The following TP53I11 variants were observed in gnomAD, a reference collection of about 807,000 sequenced individuals.
The protein encoded by TP53I11 is tumor protein p53-inducible protein 11.
TP53I11 carries 9 observed loss-of-function variants against 23.3 expected under a neutral mutation model. That is an observed-to-expected ratio of 0.39 (90% confidence interval 0.23 to 0.67). The LOEUF (loss-of-function observed/expected upper bound fraction) is 0.67. Ranked by LOEUF, TP53I11 falls within the 30% of genes least tolerant of loss-of-function variation. TP53I11 has a pLI of 0.48. For synonymous variants in TP53I11, 100 were observed against 106.1 expected, an observed-to-expected ratio of 0.94 and a Z score of 0.35; for missense variants, 170 against 255.2, an observed-to-expected ratio of 0.67 and a Z score of 2.27.
At chr11:44,941,866 G>C (rs1039199544) in intron 1 of TP53I11, among the ~76,000 whole-genome samples, 5 of 152,198 alleles carry the variant, frequency 3.3e-5, no homozygotes, top group Non-Finnish European at 1.5e-5. Context: ...CTGTGTCCAC[G>C]GCCCACCTCC....
rs1275305148 is a variant in TP53I11 at position 44,933,901 on chromosome 11, T to TA, written c.*982dup. 1.3e-5 allele frequency: 2 copies of TA among 152,752 alleles called. No homozygotes were observed. Among genetic ancestry groups the TA allele is most frequent in the Non-Finnish European group, 2.9e-5 (2 of 68,426 alleles). The allele number at this position is 152,752 out of a possible 1,614,324, so 9.5% of individuals were successfully genotyped here. ...GCCCAGTGGCCATCAGGCCTTGGGG[T>TA]ACATGCCAAGGGGCAAGAGAGCGCT... On this transcript the variant is annotated 3_prime_UTR_variant, in exon 7 of 7. Coordinates refer to ENST00000525680, the MANE Select transcript of TP53I11 (RefSeq NM_006034.5).
intron 1 of TP53I11, among the ~76,000 whole-genome samples, chr11:44,947,416 A>T (rs1862495094): frequency 6.6e-6 from 1 of 151,994 alleles, no homozygotes; most frequent in South Asian, 2.1e-4. Context: ...CACTCTCCCC[A>T]TGCCCCTCCC....
chr11:44,935,830 C>CGATCCTG (rs1475745013), intron 5 of TP53I11, 168 bp from the exon 6 acceptor site: 52 of 616,734 alleles, frequency 8.4e-5, no homozygotes, highest in Non-Finnish European at 1.4e-4. Context: ...TGTCTGTCCC[C>CGATCCTG]GATCCTGTCC....
intron 1 of TP53I11, among the ~76,000 whole-genome samples, chr11:44,945,827 C>T (rs531947111): frequency 2.6e-5 from 4 of 152,262 alleles, no homozygotes; most frequent in East Asian, 1.9e-4. Context: ...CCCTGGAGGG[C>T]GGGACGGAAT....
In TP53I11 at chr11:44,936,721, C is replaced by T. The variant is rs764716528; in HGVS notation, c.334+82G>A. ...GAAGAAAGGAAGGGGTGCCCGGGCA[C>T]GGACCCCCGTGCTCTCCTCAGCCCC... On this transcript the variant is annotated intron_variant, in intron 5 of 6. Transcript: ENST00000525680. The surrounding 1 kb of genome is among the most constrained non-coding windows in gnomAD (Gnocchi z 4.4). 5.9e-6 allele frequency: 8 copies of T among 1,353,466 alleles called. No homozygotes were observed. Among genetic ancestry groups the T allele is most frequent in the Non-Finnish European group, 7.7e-6 (8 of 1,044,836 alleles). 83.8% of individuals were successfully genotyped at this position (1,353,466 alleles called of 1,614,324 possible).
chr11:44,940,986 C>T (rs187498606), intron 1 of TP53I11: 1 of 152,416 alleles, frequency 6.6e-6, no homozygotes, highest in Admixed American at 6.5e-5. Context: ...GTGCTGCCTC[C>T]CTCAGTCCTG....
At chr11:44,940,659 A>AGGCCATGT (rs1861658483) in intron 1 of TP53I11, 1 of 152,136 alleles carries the variant, frequency 6.6e-6, no homozygotes, top group South Asian at 2.1e-4. Context: ...CGGTCACTGA[A>AGGCCATGT]GGCCATGTGG....
At chr11:44,944,012 C>T (rs1326072118) in intron 1 of TP53I11, among the ~76,000 whole-genome samples, 3 of 152,270 alleles carry the variant, frequency 2.0e-5, no homozygotes, top group Admixed American at 1.3e-4. Context: ...TTAGGCAGAA[C>T]TGGGTTCAAA....
At position 44,936,757 on chromosome 11, in the gene TP53I11, C is replaced by T. The variant is rs1293221971; in HGVS notation, c.334+46G>A. On this transcript the variant is annotated intron_variant, in intron 5 of 6. Transcript: ENST00000525680. The surrounding 1 kb of genome is among the most constrained non-coding windows in gnomAD (Gnocchi z 4.4). ...GCTCTCCTCAGCCCCGCTGGGTCTC[C>T]CAGCTGCCCGTCGCCTCCCCCAGGG... 2.7e-6 allele frequency: 4 copies of T among 1,473,216 alleles called. No homozygotes were observed. The highest frequency in any genetic ancestry group is 2.8e-5 in the South Asian group (2 of 72,618). 91.3% of individuals were successfully genotyped at this position (1,473,216 alleles called of 1,614,324 possible).
chr11:44,945,238 G>A (rs981042927), intron 1 of TP53I11, among the ~76,000 whole-genome samples: 1 of 152,146 alleles, frequency 6.6e-6, no homozygotes, highest in Non-Finnish European at 1.5e-5. Context: ...TGCCCCCAGG[G>A]CCACCTACCC....
chr11:44,936,339 T>G lies in TP53I11; in HGVS notation c.334+464A>C. On this transcript the variant is annotated intron_variant, in intron 5 of 6. Transcript: ENST00000525680. This position sits in a 1 kb window ranked among gnomAD's most constrained non-coding sequence, Gnocchi z 4.4. ...TAGAGGCATATTACCTATGCTGAGCTTTAAAAATTGTAATTCCAAATCCTA... is the reference window on the plus strand; with the variant it reads ...TAGAGGCATATTACCTATGCTGAGCGTTAAAAATTGTAATTCCAAATCCTA... 1 of 1,218,184 alleles carries G rather than the reference T, an allele frequency of 8.2e-7. No individual in the cohort carries two copies. Among genetic ancestry groups the G allele is most frequent in the Non-Finnish European group, 1.0e-6 (1 of 980,124 alleles). 75.5% of individuals were successfully genotyped at this position (1,218,184 alleles called of 1,614,324 possible). A position where few individuals can be genotyped will look rare whatever the true frequency, so the allele number is the denominator to read the frequency against.
At position 44,936,987 on chromosome 11, in the gene TP53I11, C is replaced by CTGGCGGGGAAGGAA; in HGVS notation, c.238-89_238-88insTTCCTTCCCCGCCA. 1 of 979,174 alleles carries CTGGCGGGGAAGGAA rather than the reference C, an allele frequency of 1.0e-6. No individual in the cohort carries two copies. The highest frequency in any genetic ancestry group is 1.5e-6 in the Non-Finnish European group (1 of 660,324). The allele number at this position is 979,174 out of a possible 1,614,324, so 60.7% of individuals were successfully genotyped here. A position where few individuals can be genotyped will look rare whatever the true frequency, so the allele number is the denominator to read the frequency against. On this transcript the variant is annotated intron_variant, in intron 4 of 6. Coordinates refer to ENST00000525680, the MANE Select transcript of TP53I11 (RefSeq NM_006034.5). The surrounding 1 kb of genome is among the most constrained non-coding windows in gnomAD (Gnocchi z 4.4). Reference sequence around the variant, plus strand: ...GCTTCCCACAGACGTCTTCCTTCCCCGCCAGGAGCAGGATCAGCATCCTTG... The same window carrying CTGGCGGGGAAGGAA: ...GCTTCCCACAGACGTCTTCCTTCCCCTGGCGGGGAAGGAAGCCAGGAGCAGGATCAGCATCCTTG...
Position 44,933,117 on chromosome 11 carries a change from GC to G in TP53I11, c.*1766del. The G allele has an allele frequency of 6.6e-6, 1 of 152,374 alleles. No homozygotes were observed. The highest frequency in any genetic ancestry group is 2.1e-4 in the South Asian group (1 of 4,824). The allele number at this position is 152,374 out of a possible 1,614,324, so 9.4% of individuals were successfully genotyped here. A position where few individuals can be genotyped will look rare whatever the true frequency, so the allele number is the denominator to read the frequency against. ...TTAGGGAGAGGCACAGGCTTAGGTA[GC>G]AAGAGACAGATGCCAGGAGAGGGGC... is the stretch of plus-strand genomic sequence containing the variant. On this transcript the variant is annotated 3_prime_UTR_variant, in exon 7 of 7. Coordinates refer to ENST00000525680, the MANE Select transcript of TP53I11 (RefSeq NM_006034.5).
rs991877392 is a variant in TP53I11 at position 44,946,890 on chromosome 11, C to T, written c.-32+3787G>A. 71 of 393,768 alleles carry T rather than the reference C, an allele frequency of 1.8e-4. 1 individual carries two copies. Among genetic ancestry groups the T allele is most frequent in the Non-Finnish European group, 3.3e-4 (64 of 194,576 alleles). The allele number at this position is 393,768 out of a possible 1,614,324, so 24.4% of individuals were successfully genotyped here. On this transcript the variant is annotated intron_variant, in intron 1 of 6. Coordinates refer to ENST00000525680, the MANE Select transcript of TP53I11 (RefSeq NM_006034.5). The stretch of plus-strand genomic sequence containing the variant: ...CTCAAGCTGCCTCATCCCCAAGACC[C>T]GCCACCCCTCAGCCTGGACTGGCAC...
At position 44,934,850 on chromosome 11, in the gene TP53I11, C is replaced by T. The variant is rs1423527456; in HGVS notation, c.*34G>A. On this transcript the variant is annotated 3_prime_UTR_variant, in exon 7 of 7. Coordinates refer to ENST00000525680, the MANE Select transcript of TP53I11 (RefSeq NM_006034.5). The stretch of plus-strand genomic sequence containing the variant: ...CCGAGGCCCCAGCGCCACTCTGGCC[C>T]AGGCATGGGCAGGGCCCCAGGCCCA... 6.2e-7 allele frequency: 1 copy of T among 1,612,828 alleles called. No homozygotes were observed. The highest frequency in any genetic ancestry group is 1.3e-5 in the African/African-American group (1 of 74,908).
chr11:44,941,866 G>A (rs1039199544), intron 1 of TP53I11, among the ~76,000 whole-genome samples: 26 of 152,080 alleles, frequency 1.7e-4, no homozygotes, highest in Non-Finnish European at 3.1e-4. Context: ...CTGTGTCCAC[G>A]GCCCACCTCC....
chr11:44,951,242 G>A (rs1862925288), upstream of TP53I11: 1 of 152,648 alleles, frequency 6.6e-6, no homozygotes, highest in Non-Finnish European at 1.5e-5. Context: ...GTGTCTCCCG[G>A]GCCCAGGCCG....
chr11:44,939,701 A>T (rs1440220060), intron 1 of TP53I11, among the ~76,000 whole-genome samples: 1 of 151,036 alleles, frequency 6.6e-6, no homozygotes, highest in Non-Finnish European at 1.5e-5. Flanking sequence ...GACCGGATCA[A>T]CTAGGGAGGC....
chr11:44,933,532 C>T lies in TP53I11; in HGVS notation c.*1352G>A, dbSNP rs1270059669. The T allele has an allele frequency of 6.4e-6, 1 of 155,420 alleles. No homozygotes were observed. Among genetic ancestry groups the T allele is most frequent in the African/African-American group, 2.4e-5 (1 of 41,382 alleles). 9.6% of individuals were successfully genotyped at this position (155,420 alleles called of 1,614,324 possible). On this transcript the variant is annotated 3_prime_UTR_variant, in exon 7 of 7. Transcript: ENST00000525680. ...TCAGGGACTAACGGGGTGTACAGCA[C>T]AGGCTGGTGGGCCCTCAGGGAGAAG...
Sources: gnomAD v4.1 joint callset for allele counts (sites outside exome capture counted in the v4.1 genomes callset) on GRCh38, gnomAD v4.1.1 for gene constraint, Gnocchi (gnomAD v3.1) non-coding constraint, MANE v1.5 for transcripts, NCBI Gene and HGNC (gene_info 2026-07-23, HGNC 2026-07-21) for gene names.